Variants in C8orf76 observed in about 807,000 individuals in gnomAD.
C8orf76 encodes uncharacterized protein C8orf76.
In C8orf76, 46 loss-of-function variants were observed where a neutral mutation model predicts 38.1. The observed-to-expected ratio is 1.21, with a 90% confidence interval of 0.95 to 1.54. The LOEUF (loss-of-function observed/expected upper bound fraction) is 1.54, where lower values mean the gene tolerates loss of function less well. Ranked by LOEUF, C8orf76 falls within the 40% of genes most tolerant of loss-of-function variation. C8orf76 has a pLI of 0.00. For synonymous variants in C8orf76, 166 were observed against 167.5 expected (o/e 0.99, Z 0.07); for missense variants, 461 against 441.6 (o/e 1.04, Z -0.39).
In C8orf76 at chr8:123,220,308, A is replaced by C; in HGVS notation, c.949-11T>G. 6.6e-7 allele frequency: 1 copy of C among 1,512,528 alleles called. No individual in the cohort carries two copies. The highest frequency in any genetic ancestry group is 8.8e-7 in the Non-Finnish European group (1 of 1,130,634). 93.7% of individuals were successfully genotyped at this position (1,512,528 alleles called of 1,614,324 possible). ...ATCTTCTCCCATAACCTATAACAGG[A>C]GGAAAAAAAAAAACTGTCCCAATAA... On this transcript the variant is annotated splice_polypyrimidine_tract_variant and intron_variant, in intron 5 of 5. Coordinates refer to ENST00000276704, the MANE Select transcript of C8orf76 (RefSeq NM_032847.3).
chr8:123,237,765 A>G, intron 3 of C8orf76, 33 bp downstream of exon 3: 1 of 1,601,550 alleles, frequency 6.2e-7, no homozygotes, highest in South Asian at 1.1e-5. Context: ...CCTTATAGGA[A>G]TGTGTGTGAA....
intron 3 of C8orf76, chr8:123,236,783 C>CA (rs34417634): frequency 0.07 from 27,780 of 399,636 alleles, 100 homozygotes; most frequent in African/African-American, 0.12. Context: ...GACTCTGTCT[C>CA]AAAAAAAAAA....
At chr8:123,225,711 G>C (rs775438896) in intron 5 of C8orf76, among the ~76,000 whole-genome samples, 1 of 152,168 alleles carries the variant, frequency 6.6e-6, no homozygotes, top group Non-Finnish European at 1.5e-5. Flanking sequence ...TAGATTGCTT[G>C]AGGCCAGGAG....
Position 123,231,736 on chromosome 8 carries a change from CT to C in C8orf76, c.378del (p.Asp127ThrfsTer3), listed in dbSNP as rs1421633696. On this transcript the variant is annotated frameshift_variant, in exon 4 of 6. Transcript: ENST00000276704. LOFTEE classifies it high-confidence loss of function. Reference protein sequence around the residue: ...AANLENKATNTDHLTTVLYLQ... With the variant: ...AANLENKATNXDHLTTVLYLQ... The stretch of plus-strand genomic sequence containing the variant: ...AGGTAGAGTACCGTGGTTAAATGGT[CT>C]GTGTTGGTTGCTTTATTTTCCTAAG... The C allele has an allele frequency of 6.2e-7, 1 of 1,605,850 alleles. No individual in the cohort carries two copies.
At chr8:123,237,686 T>C in intron 3 of C8orf76, 112 bp downstream of exon 3, 1 of 1,389,988 alleles carries the variant, frequency 7.2e-7, no homozygotes, top group East Asian at 2.6e-5. Flanking sequence ...CTTCTGCTTA[T>C]CCAAACCCAT....
chr8:123,229,116 A>G (rs1825149165), intron 4 of C8orf76, among the ~76,000 whole-genome samples: 1 of 152,204 alleles, frequency 6.6e-6, no homozygotes, highest in Non-Finnish European at 1.5e-5. Context: ...CCACCAGACA[A>G]TGTGACAACA....
intron 4 of C8orf76, among the ~76,000 whole-genome samples, chr8:123,229,032 C>T (rs949858727): frequency 6.6e-6 from 1 of 152,250 alleles, no homozygotes; most frequent in Non-Finnish European, 1.5e-5. Context: ...CAAAGTCCTA[C>T]TTCCTACTTC....
chr8:123,239,906 C>G (rs961564176), intron 1 of C8orf76: 1 of 150,870 alleles, frequency 6.6e-6, no homozygotes, highest in Admixed American at 6.6e-5. Context: ...GCAGGAGAAT[C>G]GCTTTAACCC....
At position 123,226,643 on chromosome 8, in the gene C8orf76, G is replaced by A. The variant is rs377112019; in HGVS notation, c.816-11C>T. On this transcript the variant is annotated splice_polypyrimidine_tract_variant and intron_variant, in intron 4 of 5. Transcript: ENST00000276704. ...AACTGAAGCAGAAGCCTGAAAAACC[G>A]AAAAGTCTCAATGCGTGGCGAAAAG... 9 of 1,587,090 alleles carry A rather than the reference G, an allele frequency of 5.7e-6. No individual in the cohort carries two copies. The highest frequency in any genetic ancestry group is 2.0e-5 in the Admixed American group (1 of 50,660).
intron 5 of C8orf76, among the ~76,000 whole-genome samples, chr8:123,221,127 G>C (rs752853447): frequency 6.6e-6 from 1 of 152,146 alleles, no homozygotes; most frequent in Non-Finnish European, 1.5e-5. Flanking sequence ...TTAGAAGCAG[G>C]CTCAAATAAT....
rs1171184819 is a variant in C8orf76, at chr8:123,236,996, ACT to A, written c.357+800_357+801del. The A allele has an allele frequency of 1.0e-5, 16 of 1,542,696 alleles. No homozygotes were observed. The African/African-American group carries it at 1.2e-4, about 12-fold the overall frequency. On this transcript the variant is annotated intron_variant, in intron 3 of 5. Transcript: ENST00000276704. ...GGGCAAACAGCTGGAGGATGGCCGCACTCTCTCAGACTACAACATCCAGAAGG... is the reference window on the plus strand; with the variant it reads ...GGGCAAACAGCTGGAGGATGGCCGCACTCTCAGACTACAACATCCAGAAGG...
At chr8:123,222,534 C>T (rs1364052135) in intron 5 of C8orf76, among the ~76,000 whole-genome samples, 2 of 152,054 alleles carry the variant, frequency 1.3e-5, no homozygotes, top group African/African-American at 4.8e-5. Flanking sequence ...TTTAAACTTC[C>T]ATATGCCAAA....
intron 1 of C8orf76, among the ~76,000 whole-genome samples, chr8:123,240,457 C>T (rs1319015337): frequency 6.6e-6 from 1 of 152,260 alleles, no homozygotes; most frequent in African/African-American, 2.4e-5. Context: ...GTGCCCGGAA[C>T]ACTTCCGTAT....
intron 4 of C8orf76, among the ~76,000 whole-genome samples, chr8:123,230,055 G>C (rs1586804359): frequency 6.6e-6 from 1 of 152,024 alleles, no homozygotes; most frequent in South Asian, 2.1e-4. Flanking sequence ...TTGCCAAATA[G>C]ATACCACTTC....
At chr8:123,236,614 T>A (rs1688108399) in intron 3 of C8orf76, among the ~76,000 whole-genome samples, 1 of 151,800 alleles carries the variant, frequency 6.6e-6, no homozygotes, top group Non-Finnish European at 1.5e-5. Flanking sequence ...TGAAACCTCG[T>A]CTCTACTAAA....
intron 5 of C8orf76, among the ~76,000 whole-genome samples, chr8:123,225,590 T>C (rs1194939850): frequency 1.3e-5 from 2 of 152,026 alleles, no homozygotes; most frequent in Admixed American, 6.6e-5. Context: ...AGAGGAACGT[T>C]AAGAAACACA....
Position 123,234,915 on chromosome 8 carries a change from T to C in C8orf76, c.357+2883A>G, listed in dbSNP as rs372937387. 3.2e-4 allele frequency among the ~76,000 whole-genome samples: 49 copies of C among 152,224 alleles called. 1 individual carries two copies. The East Asian group carries it at 7.5e-3, about 23-fold the overall frequency. ...AGGAGGAGGCTGCAGTGAGCCAAGATCGCACCACTGCACTCCAGCCTGGGC... is the reference window on the plus strand; with the variant it reads ...AGGAGGAGGCTGCAGTGAGCCAAGACCGCACCACTGCACTCCAGCCTGGGC... On this transcript the variant is annotated intron_variant, in intron 3 of 5. Transcript: ENST00000276704.
At chr8:123,227,043 T>C (rs1279729291) in intron 4 of C8orf76, among the ~76,000 whole-genome samples, 1 of 152,180 alleles carries the variant, frequency 6.6e-6, no homozygotes, top group African/African-American at 2.4e-5. Flanking sequence ...TTGAAGTCAG[T>C]GTTCTGTGAC....
At chr8:123,227,256 CTTTT>C (rs532233177) in intron 4 of C8orf76, among the ~76,000 whole-genome samples, 1 of 139,692 alleles carries the variant, frequency 7.2e-6, no homozygotes. Flanking sequence ...CATTTGGCTC[CTTTT>C]TTTTTTTTTT....
Sources: allele counts gnomAD v4.1 joint callset (sites outside exome capture counted in the v4.1 genomes callset), GRCh38; gene constraint gnomAD v4.1.1; transcripts MANE v1.5; gene names NCBI Gene and HGNC (gene_info 2026-07-23, HGNC 2026-07-21).